Variants in EVC2 observed in about 807,000 individuals in gnomAD.
EVC2 encodes the protein EvC ciliary complex subunit 2.
EVC2 carries 148 observed loss-of-function variants against 149.3 expected under a neutral mutation model. That is an observed-to-expected ratio of 0.99 (90% CI 0.87 to 1.14). EVC2 has a LOEUF of 1.14. Ranked by LOEUF, EVC2 falls within the 50% of genes most tolerant of loss-of-function variation. The pLI is 0.00. For missense variants in EVC2, 1,854 were observed against 1,627.3 expected (o/e 1.14, Z -2.40); for synonymous variants, 776 against 649.9 (o/e 1.19, Z -2.95).
chr4:5,638,058 G>A (rs1420906153), intron 10 of EVC2, among the ~76,000 whole-genome samples: 6 of 151,994 alleles, frequency 3.9e-5, no homozygotes, highest in African/African-American at 1.5e-4. Context: ...AGGTACTGTC[G>A]AAGCCTCCCT....
chr4:5,593,675 G>T (rs532371910), intron 16 of EVC2, among the ~76,000 whole-genome samples: 2 of 152,284 alleles, frequency 1.3e-5, no homozygotes, highest in Non-Finnish European at 2.9e-5. Context: ...ATTTCCATCT[G>T]AGGTACCGGG....
chr4:5,578,881 T>C (rs1187040112), intron 17 of EVC2, among the ~76,000 whole-genome samples: 7 of 152,124 alleles, frequency 4.6e-5, no homozygotes, highest in Non-Finnish European at 7.4e-5. Context: ...GAGGGAATCA[T>C]GGATGGCTTC....
At position 5,584,629 on chromosome 4, in the gene EVC2, G is replaced by A. The variant is rs2108788303; in HGVS notation, c.3051C>T (p.His1017=). The change falls in exon 17 of 22, where the codon CAC becomes CAT. Residue 1017 remains histidine, a synonymous_variant. Coordinates refer to ENST00000344408, the MANE Select transcript of EVC2 (RefSeq NM_147127.5). The part of the protein sequence containing the change: ...KSACTQILES[H]SRELQELERK... ...TCCCAGCGCCTGCACTCACCCGGCT[G>A]TGCGACTCCAGGATCTGTGTGCAGG... 1.2e-6 allele frequency: 2 copies of A among 1,613,076 alleles called. No homozygotes were observed. Among genetic ancestry groups the A allele is most frequent in the Non-Finnish European group, 1.7e-6 (2 of 1,179,610 alleles).
intron 17 of EVC2, among the ~76,000 whole-genome samples, chr4:5,582,941 G>C (rs1711934591): frequency 6.6e-6 from 1 of 152,102 alleles, no homozygotes; most frequent in South Asian, 2.1e-4. Flanking sequence ...ATGATTGTAA[G>C]TTTCCTGAGT....
At position 5,563,022 on chromosome 4, in the gene EVC2, T is replaced by G. The variant is rs1189285249; in HGVS notation, c.3753A>C (p.Glu1251Asp). 6.2e-7 allele frequency: 1 copy of G among 1,614,252 alleles called. No individual in the cohort carries two copies. ...CCCCTACAATGGGTACAGGGGCCAG[T>G]TCGCCAATGGGCTCCAGTGACAGGT... ...WPHLSLEPIG[E>D]LAPVPIVGAE... Residue 1251 changes from glutamate to aspartate, a missense_variant, in exon 22 of 22, where the codon GAA (glutamate) becomes GAC (aspartate). Physicochemically the swap from Glu to Asp is conservative, Grantham distance 45. Transcript: ENST00000344408.
intron 18 of EVC2, among the ~76,000 whole-genome samples, chr4:5,575,494 G>A (rs900309282): frequency 6.6e-5 from 10 of 152,192 alleles, no homozygotes; most frequent in Non-Finnish European, 1.3e-4. Context: ...ACAGAAGAGC[G>A]TGATAGGATG....
At chr4:5,592,136 A>G (rs142745692) in intron 16 of EVC2, among the ~76,000 whole-genome samples, 32 of 152,354 alleles carry the variant, frequency 2.1e-4, no homozygotes, top group African/African-American at 7.0e-4. Context: ...CAGCTTTCAT[A>G]TTGATGAAAA....
At chr4:5,568,126 A>T (rs990212563) in intron 20 of EVC2, among the ~76,000 whole-genome samples, 2 of 152,180 alleles carry the variant, frequency 1.3e-5, no homozygotes, top group African/African-American at 2.4e-5. Flanking sequence ...TGTAAAACCC[A>T]GCAGAGAAAC....
intron 16 of EVC2, among the ~76,000 whole-genome samples, chr4:5,602,291 T>TAAAAAAAAAAAAAAAA (rs571933194): frequency 2.4e-5 from 2 of 81,714 alleles, no homozygotes; most frequent in African/African-American, 5.0e-5. Flanking sequence ...CATTGCCTCT[T>TAAAAAAAAAAAAAAAA]AAAAAAAAAA....
chr4:5,708,345 C>A lies in EVC2; in HGVS notation c.169G>T (p.Gly57Trp). The change falls in exon 1 of 22, where the codon GGG becomes TGG. Residue 57 changes from glycine to tryptophan, a missense_variant. By Grantham distance (184) the Gly-to-Trp change is radical. Coordinates refer to ENST00000344408, the MANE Select transcript of EVC2 (RefSeq NM_147127.5). ...PRDPQVAPRS[G>W]PGLRIPPGRS... ...CCCGGAGGGATCCTCAGGCCGGGCC[C>A]AGACCTAGGAGCCACCTGGGGATCC... 1 of 1,485,732 alleles carries A rather than the reference C, an allele frequency of 6.7e-7. No individual in the cohort carries two copies. The highest frequency in any genetic ancestry group is 1.3e-5 in the South Asian group (1 of 77,674). 92.0% of individuals were successfully genotyped at this position (1,485,732 alleles called of 1,614,324 possible). A position where few individuals can be genotyped will look rare whatever the true frequency, so the allele number is the denominator to read the frequency against.
At chr4:5,592,073 T>A (rs1712858069) in intron 16 of EVC2, among the ~76,000 whole-genome samples, 1 of 152,128 alleles carries the variant, frequency 6.6e-6, no homozygotes, top group African/African-American at 2.4e-5. Flanking sequence ...CTTGCCCAAG[T>A]TTGGAAACAA....
chr4:5,577,745 G>C (rs1723020066), intron 17 of EVC2, among the ~76,000 whole-genome samples: 1 of 152,148 alleles, frequency 6.6e-6, no homozygotes, highest in Admixed American at 6.5e-5. Flanking sequence ...TGGGTGCTGG[G>C]CCTTCGAGAA....
chr4:5,706,341 C>CATAGATAGATAG (rs1378072049), intron 1 of EVC2, among the ~76,000 whole-genome samples: 1 of 10,914 alleles, frequency 9.2e-5, no homozygotes, highest in African/African-American at 3.9e-4. Flanking sequence ...TAGATAGATA[C>CATAGATAGATAG]ATAGATAGAT....
At chr4:5,560,812 T>C (rs73072221), downstream of EVC2, among the ~76,000 whole-genome samples, 383 of 152,308 alleles carry the variant, frequency 2.5e-3, no homozygotes, top group African/African-American at 7.6e-3. This position sits in a 1 kb window ranked among gnomAD's most constrained non-coding sequence, Gnocchi z 4.1. Flanking sequence ...GTTTTACAGA[T>C]AAAGAGACTG....
Position 5,694,457 on chromosome 4 carries a change from A to T in EVC2, c.328T>A (p.Phe110Ile). ...GCTGCAGAAGTTGAGAGTGGGATGA[A>T]GACTTCCATTTTCTTGTCCAATTTC... ...GMKLDKKMEVFIPLSTSAASS... is the reference protein window; with the variant it reads ...GMKLDKKMEVIIPLSTSAASS... The change falls in exon 3 of 22, where the codon TTC becomes ATC. Residue 110 changes from phenylalanine (F) to isoleucine (I), a missense_variant. Coordinates refer to ENST00000344408, the MANE Select transcript of EVC2 (RefSeq NM_147127.5). The T allele has an allele frequency of 1.2e-6, 2 of 1,614,228 alleles. No individual in the cohort carries two copies. Among genetic ancestry groups the T allele is most frequent in the Non-Finnish European group, 1.7e-6 (2 of 1,180,038 alleles).
rs1013814721 is a variant in EVC2, at chr4:5,576,304, C to T, written c.3208G>A (p.Val1070Ile). The part of the protein sequence containing the change: ...EPGEVDSERQ[V>I]STVLHQALSK... The stretch of plus-strand genomic sequence containing the variant: ...AGGGCTTGGTGCAGGACAGTAGAGA[C>T]CTGCCTTTCAGAATCCACCTCCCCA... Residue 1070 changes from valine to isoleucine, a missense_variant, in exon 18 of 22, where the codon GTC becomes ATC. Transcript: ENST00000344408. This position sits in a 1 kb window ranked among gnomAD's most constrained non-coding sequence, Gnocchi z 4.5. 1 of 1,614,178 alleles carries T rather than the reference C, an allele frequency of 6.2e-7. No homozygotes were observed. Among genetic ancestry groups the T allele is most frequent in the Non-Finnish European group, 8.5e-7 (1 of 1,180,034 alleles).
At chr4:5,594,641 C>T (rs982944802) in intron 16 of EVC2, among the ~76,000 whole-genome samples, 7 of 151,974 alleles carry the variant, frequency 4.6e-5, no homozygotes, top group East Asian at 1.9e-4. Context: ...AGCAGAAAAA[C>T]GAAACTCTAA....
rs1195215393 is a variant in EVC2, at chr4:5,636,030, G to A, written c.1471-3998C>T. Reference sequence around the variant, plus strand: ...TCATAATAAACCCTTGTCCAAGGTTGACTCAGCGCCGAGCAATGGCTGAAG... The same window carrying A: ...TCATAATAAACCCTTGTCCAAGGTTAACTCAGCGCCGAGCAATGGCTGAAG... On this transcript the variant is annotated intron_variant, in intron 10 of 21. Transcript: ENST00000344408. This position sits in a 1 kb window ranked among gnomAD's most constrained non-coding sequence, Gnocchi z 4.6. 1.3e-5 allele frequency among the ~76,000 whole-genome samples: 2 copies of A among 152,214 alleles called. No homozygotes were observed. Among genetic ancestry groups the A allele is most frequent in the African/African-American group, 2.4e-5 (1 of 41,452 alleles).
chr4:5,628,965 T>C (rs1374435641), intron 11 of EVC2, among the ~76,000 whole-genome samples: 2 of 151,878 alleles, frequency 1.3e-5, no homozygotes, highest in Non-Finnish European at 2.9e-5. Flanking sequence ...TGGTAAAGAG[T>C]TATCAGAACA....
Sources: allele counts gnomAD v4.1 joint callset (sites outside exome capture counted in the v4.1 genomes callset), GRCh38; gene constraint gnomAD v4.1.1; non-coding constraint Gnocchi (gnomAD v3.1); transcripts MANE v1.5; gene names NCBI Gene and HGNC (gene_info 2026-07-23, HGNC 2026-07-21).